ZNF260: variants seen among roughly 807,000 people sequenced by gnomAD.
ZNF260 encodes the protein zinc finger protein 260, also known as zfp-260.
In ZNF260, 21 loss-of-function variants were observed where a neutral mutation model predicts 29.3. The observed-to-expected ratio is 0.72, with a 90% CI of 0.51 to 1.03. The LOEUF (loss-of-function observed/expected upper bound fraction) is 1.03, where lower values mean the gene tolerates loss of function less well. Ranked by LOEUF, ZNF260 falls within the 50% of genes least tolerant of loss-of-function variation. The pLI is 0.00. For missense variants in ZNF260, 465 were observed against 487.8 expected (o/e 0.95, Z 0.44); for synonymous variants, 156 against 156.8 (o/e 0.99, Z 0.04).
rs1164509245 is a variant in ZNF260, at chr19:36,512,630, T to C, written c.*1370A>G. On this transcript the variant is annotated 3_prime_UTR_variant, in exon 3 of 3. Transcript: ENST00000523638. Reference sequence around the variant, plus strand: ...AACCAATTCTTAGTACTAGGGCTGGTTAGTGTTGATTTTATTCAAATTCAC... The same window carrying C: ...AACCAATTCTTAGTACTAGGGCTGGCTAGTGTTGATTTTATTCAAATTCAC... 3.0e-5 allele frequency: 4 copies of C among 131,398 alleles called. No homozygotes were observed. The highest frequency in any genetic ancestry group is 6.6e-5 in the Non-Finnish European group (4 of 60,484). The allele number at this position is 131,398 out of a possible 1,614,324, so 8.1% of individuals were successfully genotyped here. A position where few individuals can be genotyped will look rare whatever the true frequency, so the allele number is the denominator to read the frequency against.
intron 2 of ZNF260, among the ~76,000 whole-genome samples, chr19:36,520,855 G>A (rs1357699168): frequency 4.4e-5 from 5 of 113,230 alleles, no homozygotes; most frequent in Non-Finnish European, 7.0e-5. Flanking sequence ...GCGAGATTCC[G>A]TCTCAAAAAA....
rs1568547773 is a variant in ZNF260 at position 36,512,536 on chromosome 19, T to A, written c.*1464A>T. ...CTCCTTTCTTCCTAGAGGTAACCAC[T>A]CCACTTTTGGGAACTGAGTATATAC... On this transcript the variant is annotated 3_prime_UTR_variant, in exon 3 of 3. Transcript: ENST00000523638. 6.6e-6 allele frequency: 1 copy of A among 152,304 alleles called. No homozygotes were observed. The highest frequency in any genetic ancestry group is 1.9e-4 in the East Asian group (1 of 5,192). The allele number at this position is 152,304 out of a possible 1,614,324, so 9.4% of individuals were successfully genotyped here. A position where few individuals can be genotyped will look rare whatever the true frequency, so the allele number is the denominator to read the frequency against.
chr19:36,517,593 G>C (rs774017379), intron 2 of ZNF260, among the ~76,000 whole-genome samples: 3 of 152,110 alleles, frequency 2.0e-5, no homozygotes, highest in Non-Finnish European at 4.4e-5. Flanking sequence ...CAAAATGACT[G>C]TGAAAGGACC....
Position 36,511,992 on chromosome 19 carries a change from T to C in ZNF260, c.*2008A>G, listed in dbSNP as rs1014365120. 8 of 152,182 alleles carry C rather than the reference T, an allele frequency of 5.3e-5. No individual in the cohort carries two copies. The highest frequency in any genetic ancestry group is 1.7e-4 in the African/African-American group (7 of 41,448). 9.4% of individuals were successfully genotyped at this position (152,182 alleles called of 1,614,324 possible). ...ATGCTAATACTGGTTATGCAGAGTATTAAAATTTCTGATAAATGTTTTAGT... is the reference window on the plus strand; with the variant it reads ...ATGCTAATACTGGTTATGCAGAGTACTAAAATTTCTGATAAATGTTTTAGT... On this transcript the variant is annotated 3_prime_UTR_variant, in exon 3 of 3. Transcript: ENST00000523638.
chr19:36,514,906 A>T lies in ZNF260; in HGVS notation c.333T>A (p.Tyr111Ter). The T allele has an allele frequency of 1.2e-6, 2 of 1,614,144 alleles. No individual in the cohort carries two copies. Among genetic ancestry groups the T allele is most frequent in the Non-Finnish European group, 1.7e-6 (2 of 1,180,010 alleles). ...HQKHHTGEKP[Y>*]ECEKVSIQMP... Reference sequence around the variant, plus strand: ...TCTGAATAGAAACTTTTTCACATTCATAAGGTTTCTCTCCAGTGTGATGTT... The same window carrying T: ...TCTGAATAGAAACTTTTTCACATTCTTAAGGTTTCTCTCCAGTGTGATGTT... Residue 111 changes from tyrosine (Y) to a stop codon, truncating the protein, a stop_gained, in exon 3 of 3, where the codon TAT (tyrosine) becomes TAA (stop). Transcript: ENST00000523638. LOFTEE classifies it high-confidence loss of function.
At chr19:36,524,485 A>AT (rs1453790242) in intron 2 of ZNF260, among the ~76,000 whole-genome samples, 1 of 148,122 alleles carries the variant, frequency 6.8e-6, no homozygotes, top group Admixed American at 6.7e-5. Flanking sequence ...GGCCAGAATG[A>AT]TTACATTTTA....
chr19:36,527,958 C>T (rs1479109248), intron 1 of ZNF260, among the ~76,000 whole-genome samples: 1 of 152,070 alleles, frequency 6.6e-6, no homozygotes, highest in Non-Finnish European at 1.5e-5. Context: ...TCCGTCCATC[C>T]TCACAAACTT....
intron 2 of ZNF260, among the ~76,000 whole-genome samples, chr19:36,520,684 G>A (rs1049826988): frequency 4.6e-5 from 7 of 151,708 alleles, no homozygotes; most frequent in African/African-American, 1.7e-4. Context: ...AACCCCGTCT[G>A]TACTAAAAAG....
chr19:36,527,843 G>A (rs1346381585), intron 1 of ZNF260, among the ~76,000 whole-genome samples: 1 of 152,002 alleles, frequency 6.6e-6, no homozygotes, highest in African/African-American at 2.4e-5. Flanking sequence ...TTACTTATCC[G>A]CTCAATTCCT....
chr19:36,516,315 G>A (rs1474670255), intron 2 of ZNF260, among the ~76,000 whole-genome samples: 1 of 152,110 alleles, frequency 6.6e-6, no homozygotes, highest in East Asian at 1.9e-4. Context: ...AGAAAATAAG[G>A]CTAGGTATGG....
chr19:36,511,089 T>C lies in ZNF260; in HGVS notation c.*2911A>G, dbSNP rs2034444002. On this transcript the variant is annotated 3_prime_UTR_variant, in exon 3 of 3. Coordinates refer to ENST00000523638, the MANE Select transcript of ZNF260 (RefSeq NM_001166037.2). ...TACCTCAGAAAATCAACAACTGTCA[T>C]TTTCAATCTTATCTCAAGACCAACC... 6.6e-6 allele frequency: 1 copy of C among 152,210 alleles called. No homozygotes were observed. Among genetic ancestry groups the C allele is most frequent in the Admixed American group, 6.5e-5 (1 of 15,278 alleles). The allele number at this position is 152,210 out of a possible 1,614,324, so 9.4% of individuals were successfully genotyped here.
rs2034502972 is a variant in ZNF260 at position 36,514,290 on chromosome 19, T to G, written c.949A>C (p.Thr317Pro). The G allele has an allele frequency of 6.2e-7, 1 of 1,614,100 alleles. No homozygotes were observed. The highest frequency in any genetic ancestry group is 1.3e-5 in the African/African-American group (1 of 75,052). Residue 317 changes from threonine (T) to proline (P), a missense_variant, in exon 3 of 3, where the codon ACA becomes CCA. Physicochemically the swap from Thr to Pro is conservative, Grantham distance 38 (BLOSUM62 -1). Coordinates refer to ENST00000523638, the MANE Select transcript of ZNF260 (RefSeq NM_001166037.2). The stretch of plus-strand genomic sequence containing the variant: ...ATTCTCACATGTACAATAAGTGATG[T>G]GATTCGAGAGAAGGCTTTTCCACAT... ...NKCGKAFSRI[T>P]SLIVHVRIHT... is the part of the protein sequence containing the mutation.
At chr19:36,520,110 A>T (rs1341543437) in intron 2 of ZNF260, among the ~76,000 whole-genome samples, 1 of 151,296 alleles carries the variant, frequency 6.6e-6, no homozygotes, top group Non-Finnish European at 1.5e-5. Flanking sequence ...GAGGCAGGAG[A>T]AATGCTTGAA....
At chr19:36,527,004 T>C (rs566329765) in intron 1 of ZNF260, among the ~76,000 whole-genome samples, 1 of 152,284 alleles carries the variant, frequency 6.6e-6, no homozygotes, top group East Asian at 1.9e-4. Context: ...GGGAAATAGA[T>C]GGAGGCAGAC....
chr19:36,523,048 C>T (rs1231570498), intron 2 of ZNF260, among the ~76,000 whole-genome samples: 2 of 152,204 alleles, frequency 1.3e-5, no homozygotes, highest in Non-Finnish European at 2.9e-5. Context: ...CTCAACATTT[C>T]CACTTGGATG....
At chr19:36,527,789 A>T (rs905649358) in intron 1 of ZNF260, among the ~76,000 whole-genome samples, 1 of 151,970 alleles carries the variant, frequency 6.6e-6, no homozygotes, top group Non-Finnish European at 1.5e-5. Flanking sequence ...TTTGTTTTCT[A>T]CTCCACAATA....
At chr19:36,516,484 G>C (rs1175465956) in intron 2 of ZNF260, among the ~76,000 whole-genome samples, 1 of 152,168 alleles carries the variant, frequency 6.6e-6, no homozygotes, top group African/African-American at 2.4e-5. Flanking sequence ...TAGCTACTGA[G>C]GAGATTGAGG....
rs933115476 is a variant in ZNF260 at position 36,513,078 on chromosome 19, A to G, written c.*922T>C. 3.9e-5 allele frequency: 6 copies of G among 152,154 alleles called. No homozygotes were observed. Among genetic ancestry groups the G allele is most frequent in the Admixed American group, 2.6e-4 (4 of 15,264 alleles). 9.4% of individuals were successfully genotyped at this position (152,154 alleles called of 1,614,324 possible). On this transcript the variant is annotated 3_prime_UTR_variant, in exon 3 of 3. Coordinates refer to ENST00000523638, the MANE Select transcript of ZNF260 (RefSeq NM_001166037.2). ...TACAGTATATTGTTATAATTGTTCCATATTATGTTTATTATTGTTTTAAAT... is the reference window on the plus strand; with the variant it reads ...TACAGTATATTGTTATAATTGTTCCGTATTATGTTTATTATTGTTTTAAAT...
At position 36,514,136 on chromosome 19, in the gene ZNF260, G is replaced by C; in HGVS notation, c.1103C>G (p.Ala368Gly). 1 of 1,614,034 alleles carries C rather than the reference G, an allele frequency of 6.2e-7. No individual in the cohort carries two copies. Residue 368 changes from alanine (A) to glycine (G), a missense_variant, in exon 3 of 3, where the codon GCC (alanine) becomes GGC (glycine). Ala to Gly is a moderately conservative substitution (Grantham distance 60). Transcript: ENST00000523638. ...KPYGCNECGK[A>G]FSQFSTLALH... ...AGCAAGGGTTGAGAACTGAGAAAAGGCTTTCCCACATTCATTACAACCATA... is the reference window on the plus strand; with the variant it reads ...AGCAAGGGTTGAGAACTGAGAAAAGCCTTTCCCACATTCATTACAACCATA...
Sources: gnomAD v4.1 joint callset for allele counts (sites outside exome capture counted in the v4.1 genomes callset) on GRCh38, gnomAD v4.1.1 for gene constraint, MANE v1.5 for transcripts, NCBI Gene and HGNC (gene_info 2026-07-23, HGNC 2026-07-21) for gene names.